The following ANKRD52 variants were observed in gnomAD, a reference collection of about 807,000 sequenced individuals.
ANKRD52 encodes the protein serine/threonine-protein phosphatase 6 regulatory ankyrin repeat subunit C.
Under a neutral mutation model 116.0 loss-of-function variants are expected in ANKRD52, and 7 were observed. That is an observed-to-expected ratio of 0.06 (90% confidence interval 0.03 to 0.11). The LOEUF is 0.11. ANKRD52 is among the 10% of genes least tolerant of loss of function. ANKRD52 has a pLI of 1.00. For missense variants in ANKRD52, 839 were observed against 1,408.6 expected, an observed-to-expected ratio of 0.60 and a Z score of 6.47; for synonymous variants, 528 against 578.1, an observed-to-expected ratio of 0.91 and a Z score of 1.24.
rs1373780911 is a variant in ANKRD52, at chr12:56,255,315, C to T, written c.463-363G>A. 2.0e-5 allele frequency among the ~76,000 whole-genome samples: 3 copies of T among 151,974 alleles called. No homozygotes were observed. Among genetic ancestry groups the T allele is most frequent in the Admixed American group, 6.6e-5 (1 of 15,252 alleles). On this transcript the variant is annotated intron_variant, in intron 5 of 27. Transcript: ENST00000267116. The surrounding 1 kb of genome is among the most constrained non-coding windows in gnomAD (Gnocchi z 4.3). ...ACGCCATTCTCCTGCCTCAGTCTCCCGAGTAGCTGGGACTACAGGCGGCCG... is the reference window on the plus strand; with the variant it reads ...ACGCCATTCTCCTGCCTCAGTCTCCTGAGTAGCTGGGACTACAGGCGGCCG...
chr12:56,252,565 A>C lies in ANKRD52; in HGVS notation c.1307T>G (p.Val436Gly). The part of the protein sequence containing the change: ...CLHAAASGGN[V>G]ECLNLLLSSG... ...GCTCAACAGCAAATTAAGACATTCA[A>C]CATTCCTAAAAGAAAGATGTGTTAA... The change falls in exon 13 of 28, where the codon GTT becomes GGT. Residue 436 changes from valine to glycine, a missense_variant. Physicochemically the swap from Val to Gly is moderately radical, Grantham distance 109 (BLOSUM62 -3). This residue lies in a region of ANKRD52 where 287 missense variants were observed against 598.1 expected (regional missense o/e 0.48). Coordinates refer to ENST00000267116, the MANE Select transcript of ANKRD52 (RefSeq NM_173595.4). The surrounding 1 kb of genome is among the most constrained non-coding windows in gnomAD (Gnocchi z 4.7). 1 of 1,613,872 alleles carries C rather than the reference A, an allele frequency of 6.2e-7. No homozygotes were observed. Among genetic ancestry groups the C allele is most frequent in the Non-Finnish European group, 8.5e-7 (1 of 1,179,830 alleles).
At position 56,254,674 on chromosome 12, in the gene ANKRD52, G is replaced by A. The variant is rs765138094; in HGVS notation, c.597C>T (p.Leu199=). The part of the protein sequence containing the change: ...LKLLVARGAD[L]GCKDRKGYGL... Reference sequence around the variant, plus strand: ...CATAGCCCTTGCGGTCCTTGCAGCCGAGGTCTGCTCCCCGTGCCACCAGCA... The same window carrying A: ...CATAGCCCTTGCGGTCCTTGCAGCCAAGGTCTGCTCCCCGTGCCACCAGCA... The change falls in exon 7 of 28, where the codon CTC becomes CTT. Residue 199 remains leucine (L), a synonymous_variant. Coordinates refer to ENST00000267116, the MANE Select transcript of ANKRD52 (RefSeq NM_173595.4). The surrounding 1 kb of genome is among the most constrained non-coding windows in gnomAD (Gnocchi z 4.6). 1.1e-5 allele frequency: 18 copies of A among 1,613,252 alleles called. No homozygotes were observed. The Admixed American group carries it at 1.3e-4, about 12-fold the overall frequency.
chr12:56,248,698 A>C lies in ANKRD52; in HGVS notation c.1704+61T>G, dbSNP rs1275654309. ...ATTTGATTGAACCCTTAGTTTTGGA[A>C]TCCACAAACCCTGTGCCCTGCCCCT... On this transcript the variant is annotated intron_variant, in intron 16 of 27. Coordinates refer to ENST00000267116, the MANE Select transcript of ANKRD52 (RefSeq NM_173595.4). This position sits in a 1 kb window ranked among gnomAD's most constrained non-coding sequence, Gnocchi z 5.1. The C allele has an allele frequency of 6.6e-7, 1 of 1,519,404 alleles. No homozygotes were observed. Among genetic ancestry groups the C allele is most frequent in the Non-Finnish European group, 9.0e-7 (1 of 1,112,742 alleles). The allele number at this position is 1,519,404 out of a possible 1,614,324, so 94.1% of individuals were successfully genotyped here.
chr12:56,238,744 A>G lies in ANKRD52; in HGVS notation c.*4398T>C, dbSNP rs1188167989. On this transcript the variant is annotated 3_prime_UTR_variant, in exon 28 of 28. Transcript: ENST00000267116. ...CCCACTCAAGCCAGAACCCACCCCC[A>G]CCCCCCAAACACACATACAAAGCTG... 8.6e-6 allele frequency: 1 copy of G among 116,634 alleles called. No homozygotes were observed. Among genetic ancestry groups the G allele is most frequent in the Admixed American group, 8.6e-5 (1 of 11,600 alleles). 7.2% of individuals were successfully genotyped at this position (116,634 alleles called of 1,614,324 possible). A position where few individuals can be genotyped will look rare whatever the true frequency, so the allele number is the denominator to read the frequency against.
intron 20 of ANKRD52, 147 bp downstream of exon 20, chr12:56,247,346 C>CAAAAAAA (rs1007977970): frequency 6.1e-6 from 3 of 490,172 alleles, no homozygotes; most frequent in Non-Finnish European, 6.6e-6. Context: ...GACCCTGTCT[C>CAAAAAAA]AAAAAAAAAA....
intron 21 of ANKRD52, 68 bp downstream of exon 21, chr12:56,245,309 C>T (rs903054501): frequency 2.6e-5 from 42 of 1,601,102 alleles, no homozygotes; most frequent in Non-Finnish European, 3.1e-5. Context: ...CCCCCAACAA[C>T]CCACCTGTCC....
Position 56,253,658 on chromosome 12 carries a change from G to A in ANKRD52, c.985+64C>T, listed in dbSNP as rs1871806063. On this transcript the variant is annotated intron_variant, in intron 9 of 27. Transcript: ENST00000267116. This position sits in a 1 kb window ranked among gnomAD's most constrained non-coding sequence, Gnocchi z 5.5. Reference sequence around the variant, plus strand: ...GAGAAGGAAGTTAGGAACCTCCCTAGATTCTAGAAATGAGTTCCTTGGGGG... The same window carrying A: ...GAGAAGGAAGTTAGGAACCTCCCTAAATTCTAGAAATGAGTTCCTTGGGGG... The A allele has an allele frequency of 2.6e-6, 4 of 1,549,442 alleles. No homozygotes were observed. Among genetic ancestry groups the A allele is most frequent in the Admixed American group, 1.7e-5 (1 of 58,666 alleles).
Position 56,237,827 on chromosome 12 carries a change from T to C in ANKRD52, c.*5315A>G, listed in dbSNP as rs1870982265. 7.3e-7 allele frequency: 1 copy of C among 1,366,564 alleles called. No homozygotes were observed. Among genetic ancestry groups the C allele is most frequent in the African/African-American group, 1.5e-5 (1 of 68,252 alleles). The allele number at this position is 1,366,564 out of a possible 1,614,324, so 84.7% of individuals were successfully genotyped here. The stretch of plus-strand genomic sequence containing the variant: ...GCCAGTAGGAGCAATAGGATTTTAA[T>C]AAACAGAACCCATCCCAAAGCCATG... On this transcript the variant is annotated 3_prime_UTR_variant, in exon 28 of 28. Coordinates refer to ENST00000267116, the MANE Select transcript of ANKRD52 (RefSeq NM_173595.4).
chr12:56,258,062 C>G (rs1180128158), intron 1 of ANKRD52, among the ~76,000 whole-genome samples, 151 bp from the exon 2 acceptor site: 1 of 152,172 alleles, frequency 6.6e-6, no homozygotes, highest in Non-Finnish European at 1.5e-5. Context: ...TCCCGCGGTG[C>G]CTCCGCCGGT....
Position 56,254,207 on chromosome 12 carries a change from T to C in ANKRD52, c.766A>G (p.Ile256Val). Reference sequence around the variant, plus strand: ...TTGGCTCCGGCATTCACCAGCTCAATAGCCACAGCATCCTGGCCCAGGTAG... The same window carrying C: ...TTGGCTCCGGCATTCACCAGCTCAACAGCCACAGCATCCTGGCCCAGGTAG... ...ACYLGQDAVA[I>V]ELVNAGANVN... Residue 256 changes from isoleucine (I) to valine (V), a missense_variant, in exon 8 of 28, where the codon ATT becomes GTT. Physicochemically the swap from Ile to Val is conservative, Grantham distance 29. Coordinates refer to ENST00000267116, the MANE Select transcript of ANKRD52 (RefSeq NM_173595.4). This position sits in a 1 kb window ranked among gnomAD's most constrained non-coding sequence, Gnocchi z 4.6. 2 of 1,613,970 alleles carry C rather than the reference T, an allele frequency of 1.2e-6. No homozygotes were observed. The highest frequency in any genetic ancestry group is 1.7e-6 in the Non-Finnish European group (2 of 1,179,898).
Position 56,255,963 on chromosome 12 carries a change from C to T in ANKRD52, c.283G>A (p.Ala95Thr), listed in dbSNP as rs1318147915. Reference protein sequence around the residue: ...RNEKVLGLLLAHSADVNARDK... With the variant: ...RNEKVLGLLLTHSADVNARDK... ...CGGGCATTCACATCTGCTGAATGTGCCAGCAGCAGCCCCAGCACCTTCTGT... is the reference window on the plus strand; with the variant it reads ...CGGGCATTCACATCTGCTGAATGTGTCAGCAGCAGCCCCAGCACCTTCTGT... Residue 95 changes from alanine to threonine, a missense_variant, in exon 5 of 28, where the codon GCA becomes ACA. By Grantham distance (58) the Ala-to-Thr change is moderately conservative (BLOSUM62 0). This residue lies in a region of ANKRD52 where 287 missense variants were observed against 598.1 expected (regional missense o/e 0.48). Coordinates refer to ENST00000267116, the MANE Select transcript of ANKRD52 (RefSeq NM_173595.4). The surrounding 1 kb of genome is among the most constrained non-coding windows in gnomAD (Gnocchi z 4.3). The T allele has an allele frequency of 6.4e-7, 1 of 1,571,762 alleles. No homozygotes were observed. The highest frequency in any genetic ancestry group is 8.6e-7 in the Non-Finnish European group (1 of 1,156,714).
intron 20 of ANKRD52, 114 bp from the exon 21 acceptor site, chr12:56,245,710 T>C: frequency 1.3e-5 from 3 of 238,106 alleles, no homozygotes; most frequent in Non-Finnish European, 2.1e-5. Context: ...ATCCTTGTCT[T>C]TTTTTTTTTT....
chr12:56,243,652 G>T lies in ANKRD52; in HGVS notation c.2980+133C>A. On this transcript the variant is annotated intron_variant, in intron 27 of 27. Coordinates refer to ENST00000267116, the MANE Select transcript of ANKRD52 (RefSeq NM_173595.4). The surrounding 1 kb of genome is among the most constrained non-coding windows in gnomAD (Gnocchi z 4.6). ...CTCCCCTCTGAGACTCCAGAGTACT[G>T]GTGTGGGCTCCCTGCTCTGAAGAGT... The T allele has an allele frequency of 9.5e-7, 1 of 1,055,168 alleles. No individual in the cohort carries two copies. Among genetic ancestry groups the T allele is most frequent in the Non-Finnish European group, 1.4e-6 (1 of 728,628 alleles). The allele number at this position is 1,055,168 out of a possible 1,614,324, so 65.4% of individuals were successfully genotyped here.
chr12:56,252,570 C>T lies in ANKRD52; in HGVS notation c.1302G>A (p.Gly434=). The change falls in exon 13 of 28, where the codon GGG becomes GGA. Residue 434 remains glycine, a splice_region_variant and synonymous_variant. Transcript: ENST00000267116. This position sits in a 1 kb window ranked among gnomAD's most constrained non-coding sequence, Gnocchi z 4.7. ...RTCLHAAASG[G]NVECLNLLLS... is the part of the protein sequence containing the mutation. ...ACAGCAAATTAAGACATTCAACATT[C>T]CTAAAAGAAAGATGTGTTAAGAGAG... 6.2e-7 allele frequency: 1 copy of T among 1,613,770 alleles called. No individual in the cohort carries two copies. Among genetic ancestry groups the T allele is most frequent in the Non-Finnish European group, 8.5e-7 (1 of 1,179,810 alleles).
chr12:56,247,341 T>G (rs1202521967), intron 20 of ANKRD52, among the ~76,000 whole-genome samples, 152 bp downstream of exon 20: 1 of 140,050 alleles, frequency 7.1e-6, no homozygotes, highest in Non-Finnish European at 1.5e-5. Context: ...AGTGAGACCC[T>G]GTCTCAAAAA....
Position 56,255,331 on chromosome 12 carries a change from C to CA in ANKRD52, c.463-380dup, listed in dbSNP as rs1451797849. On this transcript the variant is annotated intron_variant, in intron 5 of 27. Coordinates refer to ENST00000267116, the MANE Select transcript of ANKRD52 (RefSeq NM_173595.4). The surrounding 1 kb of genome is among the most constrained non-coding windows in gnomAD (Gnocchi z 4.3). ...TCAGTCTCCCGAGTAGCTGGGACTA[C>CA]AGGCGGCCGCCACCACACCCGGCTA... Among the ~76,000 whole-genome samples, 1 of 152,042 alleles carries CA rather than the reference C, an allele frequency of 6.6e-6. No homozygotes were observed. Among genetic ancestry groups the CA allele is most frequent in the Non-Finnish European group, 1.5e-5 (1 of 68,014 alleles).
rs1871714789 is a variant in ANKRD52 at position 56,251,943 on chromosome 12, T to C, written c.1592+72A>G. Reference sequence around the variant, plus strand: ...GTATAGGGTAGAGGTTCAGATTAGGTAGGAGGACAGTAGGGCCAGAGCTTG... The same window carrying C: ...GTATAGGGTAGAGGTTCAGATTAGGCAGGAGGACAGTAGGGCCAGAGCTTG... On this transcript the variant is annotated intron_variant, in intron 15 of 27. Transcript: ENST00000267116. The C allele has an allele frequency of 6.0e-6, 9 of 1,510,334 alleles. No individual in the cohort carries two copies. In the East Asian group the frequency reaches 1.6e-4, roughly 27 times the overall value. The allele number at this position is 1,510,334 out of a possible 1,614,324, so 93.6% of individuals were successfully genotyped here.
chr12:56,254,623 A>G lies in ANKRD52; in HGVS notation c.648T>C (p.Ser216=), dbSNP rs769101826. ...GYGLLHTAAA[S]GQIEVVKYLL... ...GGTACTTCACCACTTCAATCTGGCC[A>G]CTGGCAGCAGCTGTATGGAGCAGCC... The change falls in exon 7 of 28, where the codon AGT becomes AGC. Residue 216 remains serine (S), a synonymous_variant. Transcript: ENST00000267116. The surrounding 1 kb of genome is among the most constrained non-coding windows in gnomAD (Gnocchi z 4.6). The G allele has an allele frequency of 1.2e-6, 2 of 1,613,816 alleles. No homozygotes were observed. Among genetic ancestry groups the G allele is most frequent in the Non-Finnish European group, 1.7e-6 (2 of 1,179,874 alleles).
Position 56,248,609 on chromosome 12 carries a change from C to T in ANKRD52, c.1705-43G>A, listed in dbSNP as rs1261086183. On this transcript the variant is annotated intron_variant, in intron 16 of 27. Transcript: ENST00000267116. This position sits in a 1 kb window ranked among gnomAD's most constrained non-coding sequence, Gnocchi z 5.1. ...GTAGGTGCTGAGACTCTGGAACTCC[C>T]AAGATAGTACCCCAGTCCCCGACTC... The T allele has an allele frequency of 6.5e-7, 1 of 1,544,846 alleles. No homozygotes were observed.
Sources: allele counts gnomAD v4.1 joint callset (sites outside exome capture counted in the v4.1 genomes callset), GRCh38; gene constraint gnomAD v4.1.1; regional missense constraint gnomAD v4.1.1; non-coding constraint Gnocchi (gnomAD v3.1); transcripts MANE v1.5; gene names NCBI Gene and HGNC (gene_info 2026-07-23, HGNC 2026-07-21).